Variants in SGSM2 observed in about 807,000 individuals in gnomAD.
SGSM2 encodes the protein small G protein signaling modulator 2.
SGSM2 carries 89 observed loss-of-function variants against 126.6 expected under a neutral mutation model. The ratio of observed to expected loss-of-function variants is 0.70; its 90% CI spans 0.59 to 0.84. SGSM2 has a LOEUF of 0.84. Among genes scored for constraint, SGSM2 ranks in the 40% least tolerant of loss-of-function variants. The probability of loss-of-function intolerance (pLI) is 0.00; values close to 1 mark genes in which losing one functional copy is unlikely to be tolerated. For missense variants in SGSM2, 1,404 were observed against 1,416.6 expected (o/e 0.99, Z 0.14); for synonymous variants, 614 against 574.3 (o/e 1.07, Z -0.99).
chr17:2,375,265 A>G (rs1179384347), intron 17 of SGSM2: 2 of 493,164 alleles, frequency 4.1e-6, no homozygotes, highest in East Asian at 7.0e-5. Context: ...TGTTCCTTCA[A>G]GCAGGGCTGA....
intron 13 of SGSM2, chr17:2,371,931 G>A: frequency 1.9e-6 from 1 of 528,270 alleles, no homozygotes; most frequent in Non-Finnish European, 3.4e-6. Flanking sequence ...TTTCACATGA[G>A]GAAACGAAGA....
intron 21 of SGSM2, chr17:2,377,498 A>ACGAAAAAAAAGAAAAAAAAAAAC (rs1407877395): frequency 1.6e-5 from 3 of 188,086 alleles, no homozygotes; most frequent in Non-Finnish European, 3.3e-5. Context: ...AAAAAAAAAA[A>ACGAAAAAAAAGAAAAAAAAAAAC]AACCATGGTT....
intron 18 of SGSM2, 47 bp downstream of exon 18, chr17:2,375,922 C>A: frequency 6.6e-7 from 1 of 1,509,638 alleles, no homozygotes; most frequent in African/African-American, 1.4e-5. Context: ...CAGAGGCCCT[C>A]CTGACATCCC....
chr17:2,353,533 C>G (rs1274891960), intron 2 of SGSM2, among the ~76,000 whole-genome samples: 2 of 152,154 alleles, frequency 1.3e-5, no homozygotes, highest in South Asian at 4.1e-4. Flanking sequence ...AAGGCTGAGA[C>G]GGGCAGATTG....
intron 17 of SGSM2, chr17:2,375,225 C>T (rs1004395233): frequency 1.1e-5 from 4 of 376,416 alleles, no homozygotes; most frequent in Admixed American, 8.6e-5. Flanking sequence ...TCCCCTACTT[C>T]CCTTCAGTAG....
chr17:2,344,305 C>T (rs2429900), intron 2 of SGSM2, among the ~76,000 whole-genome samples: 4,188 of 152,316 alleles, frequency 0.027, 114 homozygotes, highest in Non-Finnish European at 0.037. Context: ...CCTATCCCTA[C>T]GCACAGACTC....
intron 2 of SGSM2, among the ~76,000 whole-genome samples, chr17:2,359,090 G>A (rs1342094516): frequency 6.6e-6 from 1 of 152,038 alleles, no homozygotes; most frequent in Non-Finnish European, 1.5e-5. Flanking sequence ...TGTTAGCCAG[G>A]ATGGTCTCAA....
chr17:2,359,908 C>T (rs1229296521), intron 2 of SGSM2, among the ~76,000 whole-genome samples: 1 of 152,096 alleles, frequency 6.6e-6, no homozygotes, highest in Non-Finnish European at 1.5e-5. Context: ...TCCACAGGCA[C>T]GGAATTGTAG....
chr17:2,377,616 CT>C (rs1270530344), intron 21 of SGSM2: 12 of 374,384 alleles, frequency 3.2e-5, no homozygotes, highest in Non-Finnish European at 5.3e-5. Flanking sequence ...CCAGAAAATC[CT>C]ATAACCCTAA....
intron 2 of SGSM2, among the ~76,000 whole-genome samples, chr17:2,357,581 T>A (rs1206589226): frequency 1.3e-5 from 2 of 152,172 alleles, no homozygotes; most frequent in Non-Finnish European, 2.9e-5. Context: ...CACTGCAACC[T>A]TTGCTTCCCA....
At chr17:2,376,016 C>T in intron 18 of SGSM2, 121 bp from the exon 19 acceptor site, 2 of 1,528,860 alleles carry the variant, frequency 1.3e-6, no homozygotes. Flanking sequence ...TCTCAGCATC[C>T]CCACAGGACT....
intron 21 of SGSM2, 27 bp downstream of exon 21, chr17:2,377,095 T>C (rs1433330897): frequency 2.7e-6 from 4 of 1,491,772 alleles, no homozygotes; most frequent in Non-Finnish European, 2.8e-6. Flanking sequence ...CCCATGGGCA[T>C]GGGAGCAGGC....
In SGSM2 at chr17:2,337,695, A is replaced by C. The variant is rs763161539; in HGVS notation, c.7A>C (p.Ser3Arg). The C allele has an allele frequency of 2.1e-5, 31 of 1,505,784 alleles. No homozygotes were observed. The highest frequency in any genetic ancestry group is 5.9e-5 in the Admixed American group (3 of 51,208). 93.3% of individuals were successfully genotyped at this position (1,505,784 alleles called of 1,614,324 possible). A position where few individuals can be genotyped will look rare whatever the true frequency, so the allele number is the denominator to read the frequency against. The change falls in exon 1 of 24, where the codon AGC (serine) becomes CGC (arginine). Residue 3 changes from serine to arginine, a missense_variant. Ser to Arg is a moderately radical substitution (Grantham distance 110). Coordinates refer to ENST00000268989, the MANE Select transcript of SGSM2 (RefSeq NM_014853.3). This position sits in a 1 kb window ranked among gnomAD's most constrained non-coding sequence, Gnocchi z 5.1. Reference protein sequence around the residue: MGSAEDAVKEKLL... With the variant: MGRAEDAVKEKLL... ...CGCCGCCTCCTGCCACACCATGGGC[A>C]GCGCAGAGGACGCAGTCAAAGAGAA... is the stretch of plus-strand genomic sequence containing the variant.
rs1801761 is a variant in SGSM2, at chr17:2,381,004, C to T, written c.*1484C>T. The T allele has an allele frequency of 0.014, 2,131 of 152,916 alleles. 17 individuals are homozygous for T. Among genetic ancestry groups the T allele is most frequent in the East Asian group, 0.042 (217 of 5,188 alleles). The allele number at this position is 152,916 out of a possible 1,614,324, so 9.5% of individuals were successfully genotyped here. A position where few individuals can be genotyped will look rare whatever the true frequency, so the allele number is the denominator to read the frequency against. ...AGCAGAGTGTGTATGATTTTTGCCT[C>T]AGAAACTATACTCTTCTGTGTAACA... On this transcript the variant is annotated 3_prime_UTR_variant, in exon 24 of 24. Coordinates refer to ENST00000268989, the MANE Select transcript of SGSM2 (RefSeq NM_014853.3).
chr17:2,361,796 G>A lies in SGSM2; in HGVS notation c.293G>A (p.Gly98Asp). 1.2e-6 allele frequency: 2 copies of A among 1,603,960 alleles called. No homozygotes were observed. The highest frequency in any genetic ancestry group is 1.1e-5 in the South Asian group (1 of 90,372). Residue 98 changes from glycine to aspartate, a missense_variant, in exon 3 of 24, where the codon GGC becomes GAC. Transcript: ENST00000268989. ...KVQELQQQAE[G>D]RKPSGVSQEA... Reference sequence around the variant, plus strand: ...CAGGAGCTGCAGCAACAAGCAGAGGGCAGGTGAGCCCTGGGCCAGCCCCTT... The same window carrying A: ...CAGGAGCTGCAGCAACAAGCAGAGGACAGGTGAGCCCTGGGCCAGCCCCTT...
chr17:2,369,042 G>A (rs2065732636), intron 12 of SGSM2, among the ~76,000 whole-genome samples: 1 of 152,214 alleles, frequency 6.6e-6, no homozygotes. Context: ...ATCCTCTCAA[G>A]GAACTCAGGG....
intron 2 of SGSM2, among the ~76,000 whole-genome samples, chr17:2,358,829 T>G (rs557819499): frequency 6.6e-6 from 1 of 151,948 alleles, no homozygotes; most frequent in South Asian, 2.1e-4. Context: ...TGCATTCAAA[T>G]TGCTCCCAAT....
chr17:2,364,056 TAGA>T lies in SGSM2; in HGVS notation c.808_810del (p.Lys270del). 2 of 1,613,864 alleles carry T rather than the reference TAGA, an allele frequency of 1.2e-6. No individual in the cohort carries two copies. Among genetic ancestry groups the T allele is most frequent in the Non-Finnish European group, 1.7e-6 (2 of 1,179,940 alleles). On this transcript the variant is annotated splice_acceptor_variant and coding_sequence_variant, in exon 8 of 24. Coordinates refer to ENST00000268989, the MANE Select transcript of SGSM2 (RefSeq NM_014853.3). LOFTEE classifies it high-confidence loss of function. ...GTCGGTCTTCCGGTGTCTCCCGCTG[TAGA>T]AGGAGGATATGGAGGCGGTCCCTGG...
At chr17:2,366,683 C>T (rs2065602685) in intron 11 of SGSM2, 1 of 152,354 alleles carries the variant, frequency 6.6e-6, no homozygotes, top group Non-Finnish European at 1.5e-5. Flanking sequence ...CGATCTTTGC[C>T]ATTTCCCAGT....
Sources: gnomAD v4.1 joint callset for allele counts (sites outside exome capture counted in the v4.1 genomes callset) on GRCh38, gnomAD v4.1.1 for gene constraint, Gnocchi (gnomAD v3.1) non-coding constraint, MANE v1.5 for transcripts, NCBI Gene and HGNC (gene_info 2026-07-23, HGNC 2026-07-21) for gene names.